ZNF451: variants seen among roughly 807,000 people sequenced by gnomAD.
ZNF451 encodes the protein E3 SUMO-protein ligase ZNF451.
In ZNF451, 80 loss-of-function variants were observed where a neutral mutation model predicts 107.1. The ratio of observed to expected loss-of-function variants is 0.75; its 90% CI spans 0.62 to 0.90. The LOEUF (loss-of-function observed/expected upper bound fraction) is 0.90, where lower values mean the gene tolerates loss of function less well. Ranked by LOEUF, ZNF451 falls within the 40% of genes least tolerant of loss-of-function variation. The pLI is 0.00. For missense variants in ZNF451, 1,107 were observed against 1,236.2 expected, an observed-to-expected ratio of 0.90 and a Z score of 1.57; for synonymous variants, 362 against 406.5, an observed-to-expected ratio of 0.89 and a Z score of 1.32.
At chr6:57,099,252 T>A in intron 3 of ZNF451, 111 bp downstream of exon 3, 1 of 845,546 alleles carries the variant, frequency 1.2e-6, no homozygotes, top group Non-Finnish European at 1.9e-6. Flanking sequence ...GCCAGTTCTA[T>A]TAGAATGGGC....
intron 14 of ZNF451, among the ~76,000 whole-genome samples, chr6:57,163,006 T>C (rs1487347407): frequency 6.6e-6 from 1 of 152,192 alleles, no homozygotes; most frequent in Non-Finnish European, 1.5e-5. Context: ...AGGAATGTGT[T>C]TGTGTTTTGT....
rs369765059 is a variant in ZNF451, at chr6:57,150,757, C to T, written c.2647C>T (p.Arg883Ter). The change falls in exon 11 of 15, where the codon CGA (arginine) becomes TGA (stop). Residue 883 changes from arginine to a stop codon, truncating the protein, a stop_gained. Coordinates refer to ENST00000370706, the MANE Select transcript of ZNF451 (RefSeq NM_001031623.3). LOFTEE classifies it high-confidence loss of function. ...TGAGCTTCCAGATTTGGATTACCTG[C>T]GAACCATGACTCATATAGTCTTTGT... ...IVELPDLDYL[R>*]TMTHIVFVDF... The T allele has an allele frequency of 9.3e-6, 15 of 1,610,468 alleles. No homozygotes were observed. Among genetic ancestry groups the T allele is most frequent in the South Asian group, 3.3e-5 (3 of 90,046 alleles).
At chr6:57,113,845 TCTC>T (rs571581382) in intron 3 of ZNF451, among the ~76,000 whole-genome samples, 2 of 152,132 alleles carry the variant, frequency 1.3e-5, no homozygotes, top group East Asian at 3.9e-4. Flanking sequence ...ATGCTCTCGA[TCTC>T]CTGACCTCGT....
intron 3 of ZNF451, among the ~76,000 whole-genome samples, chr6:57,118,169 G>C (rs1830461318): frequency 1.3e-5 from 2 of 151,884 alleles, no homozygotes; most frequent in South Asian, 2.1e-4. Context: ...TTCTGTTTAG[G>C]AATGTCAGTC....
intron 3 of ZNF451, chr6:57,105,400 A>G (rs904901012): frequency 2.6e-5 from 26 of 984,966 alleles, no homozygotes; most frequent in Non-Finnish European, 3.1e-5. Flanking sequence ...TTTTAATTCT[A>G]CACTTTTCTT....
intron 5 of ZNF451, among the ~76,000 whole-genome samples, chr6:57,129,444 TGAA>T (rs1347694563): frequency 6.6e-6 from 1 of 152,178 alleles, no homozygotes; most frequent in African/African-American, 2.4e-5. Flanking sequence ...TGTCTTGTCT[TGAA>T]GAATATCTAC....
rs1166409169 is a variant in ZNF451 at position 57,170,261 on chromosome 6, C to T, written c.*1792C>T. ...AATCGCTGTGTAACATCAGAGAAAG[C>T]TATATGGATTATCGTCAGAAGTAAA... On this transcript the variant is annotated 3_prime_UTR_variant, in exon 15 of 15. Coordinates refer to ENST00000370706, the MANE Select transcript of ZNF451 (RefSeq NM_001031623.3). The T allele has an allele frequency of 6.6e-6, 1 of 152,140 alleles. No homozygotes were observed. The highest frequency in any genetic ancestry group is 1.5e-5 in the Non-Finnish European group (1 of 68,022). 9.4% of individuals were successfully genotyped at this position (152,140 alleles called of 1,614,324 possible).
At chr6:57,150,686 A>G (rs751884361) in intron 10 of ZNF451, 33 bp from the exon 11 acceptor site, 3 of 1,559,352 alleles carry the variant, frequency 1.9e-6, no homozygotes, top group South Asian at 2.4e-5. Flanking sequence ...GCAAATTCTT[A>G]CTGAACTCAT....
intron 14 of ZNF451, among the ~76,000 whole-genome samples, chr6:57,163,642 G>A (rs1763778474): frequency 6.7e-6 from 1 of 150,276 alleles, no homozygotes; most frequent in Non-Finnish European, 1.5e-5. Context: ...AGTAGAGACG[G>A]GGTTTCACCG....
chr6:57,115,411 C>T (rs1830320581), intron 3 of ZNF451: 1 of 152,086 alleles, frequency 6.6e-6, no homozygotes, highest in Non-Finnish European at 1.5e-5. Flanking sequence ...GTAACTCTAC[C>T]AGGATACATT....
intron 3 of ZNF451, chr6:57,107,409 A>T (rs1166982139): frequency 4.9e-5 from 48 of 985,112 alleles, no homozygotes; most frequent in Non-Finnish European, 5.1e-5. Flanking sequence ...TTTTAAAAAA[A>T]ATATAGCCAG....
At position 57,170,269 on chromosome 6, in the gene ZNF451, A is replaced by T. The variant is rs189012194; in HGVS notation, c.*1800A>T. ...TGTAACATCAGAGAAAGCTATATGG[A>T]TTATCGTCAGAAGTAAATGTTTCTA... On this transcript the variant is annotated 3_prime_UTR_variant, in exon 15 of 15. Coordinates refer to ENST00000370706, the MANE Select transcript of ZNF451 (RefSeq NM_001031623.3). The T allele has an allele frequency of 4.6e-5, 7 of 152,320 alleles. No homozygotes were observed. The highest frequency in any genetic ancestry group is 2.1e-4 in the South Asian group (1 of 4,830). The allele number at this position is 152,320 out of a possible 1,614,324, so 9.4% of individuals were successfully genotyped here.
intron 13 of ZNF451, chr6:57,159,241 G>A (rs894089967): frequency 1.0e-6 from 1 of 985,314 alleles, no homozygotes; most frequent in Admixed American, 6.1e-5. Context: ...GCAACCCCAT[G>A]TCAAGTTAAT....
intron 2 of ZNF451, among the ~76,000 whole-genome samples, chr6:57,098,669 A>G (rs1829441012): frequency 1.3e-5 from 2 of 152,214 alleles, no homozygotes; most frequent in Non-Finnish European, 2.9e-5. Context: ...GCAGTGGTGG[A>G]TGATGAAGCT....
At position 57,147,462 on chromosome 6, in the gene ZNF451, T is replaced by C; in HGVS notation, c.1377T>C (p.Val459=). 6.2e-7 allele frequency: 1 copy of C among 1,614,142 alleles called. No homozygotes were observed. The highest frequency in any genetic ancestry group is 8.5e-7 in the Non-Finnish European group (1 of 1,179,992). ...TAAAAGATAAAAGCCATGAAGGTGT[T>C]GCTTGTGTCCAGAAAGAAAAATCAG... ...MNLKDKSHEG[V]ACVQKEKSVV... is the part of the protein sequence containing the mutation. Residue 459 remains valine, a synonymous_variant, in exon 10 of 15, where the codon GTT becomes GTC. Coordinates refer to ENST00000370706, the MANE Select transcript of ZNF451 (RefSeq NM_001031623.3).
intron 3 of ZNF451, chr6:57,101,570 C>T (rs1472232011): frequency 6.4e-7 from 1 of 1,550,904 alleles, no homozygotes; most frequent in East Asian, 2.4e-5. Context: ...GCCTCCATTG[C>T]AGCCCGAGCT....
At chr6:57,096,127 T>TA (rs1435088616) in intron 2 of ZNF451, among the ~76,000 whole-genome samples, 23 of 151,710 alleles carry the variant, frequency 1.5e-4, no homozygotes, top group African/African-American at 4.6e-4. Context: ...CCTGCAGCTA[T>TA]TTTTAAATTA....
intron 3 of ZNF451, among the ~76,000 whole-genome samples, chr6:57,113,096 C>G (rs759986498): frequency 6.6e-5 from 10 of 151,874 alleles, no homozygotes; most frequent in South Asian, 2.1e-4. Flanking sequence ...ATTTTGTCAC[C>G]CAGGTACTAA....
At chr6:57,118,354 A>G (rs1175720264) in intron 3 of ZNF451, among the ~76,000 whole-genome samples, 1 of 152,214 alleles carries the variant, frequency 6.6e-6, no homozygotes, top group Non-Finnish European at 1.5e-5. Context: ...TCTGTTGAGA[A>G]AGTTAACACA....
Sources: allele counts gnomAD v4.1 joint callset (sites outside exome capture counted in the v4.1 genomes callset), GRCh38; gene constraint gnomAD v4.1.1; transcripts MANE v1.5; gene names NCBI Gene and HGNC (gene_info 2026-07-23, HGNC 2026-07-21).